The following ATAD2B variants were observed in gnomAD, a reference collection of about 807,000 sequenced individuals.
ATAD2B encodes ATPase family AAA domain-containing protein 2B.
In ATAD2B, 40 loss-of-function variants were observed where a neutral mutation model predicts 167.6. The observed-to-expected ratio is 0.24, with a 90% CI of 0.19 to 0.31. The LOEUF is 0.31. Ranked by LOEUF, ATAD2B falls within the 10% of genes least tolerant of loss-of-function variation. The pLI, the probability that ATAD2B is intolerant of heterozygous loss-of-function variation, is 1.00. For missense variants in ATAD2B, 1,242 were observed against 1,757.2 expected (o/e 0.71, Z 5.24); for synonymous variants, 579 against 596.5 (o/e 0.97, Z 0.43).
At position 23,885,757 on chromosome 2, in the gene ATAD2B, T is replaced by C; in HGVS notation, c.645A>G (p.Glu215=). The C allele has an allele frequency of 6.3e-7, 1 of 1,599,028 alleles. No individual in the cohort carries two copies. ...CTGTATCTGTCCACATTCGAAGTCG[T>C]TCTACTTCTCCTGATCGACGATTCC... ...IRRNRRSGEV[E]RLRMWTDTEF... The change falls in exon 5 of 28, where the codon GAA becomes GAG. Residue 215 remains glutamate, a synonymous_variant. Coordinates refer to ENST00000238789, the MANE Select transcript of ATAD2B (RefSeq NM_017552.4).
chr2:23,921,746 G>A (rs556614110), intron 1 of ATAD2B, among the ~76,000 whole-genome samples: 158 of 152,206 alleles, frequency 1.0e-3, no homozygotes, highest in African/African-American at 3.6e-3. Flanking sequence ...TTGTGGCAGG[G>A]AACATTGTCA....
chr2:23,832,271 C>G, intron 14 of ATAD2B: 1 of 467,176 alleles, frequency 2.1e-6, no homozygotes, highest in South Asian at 1.6e-5. Flanking sequence ...ACCTTAAAAA[C>G]TATTTAAGGG....
At chr2:23,792,909 G>C (rs1260942643) in intron 19 of ATAD2B, among the ~76,000 whole-genome samples, 1 of 134,178 alleles carries the variant, frequency 7.5e-6, no homozygotes, top group Non-Finnish European at 1.5e-5. Flanking sequence ...CTTGCAGTGA[G>C]CCGAGATTGT....
At chr2:23,818,583 A>C (rs1430302767) in intron 17 of ATAD2B, among the ~76,000 whole-genome samples, 1 of 152,182 alleles carries the variant, frequency 6.6e-6, no homozygotes, top group African/African-American at 2.4e-5. Flanking sequence ...AATGAAAAAC[A>C]AGAAAGGGTT....
At position 23,751,018 on chromosome 2, in the gene ATAD2B, C is replaced by T. The variant is rs540269109; in HGVS notation, c.*1028G>A. Reference sequence around the variant, plus strand: ...TCTCTTTTCTGTCCATTTGGCAAGTCCTGGCTTTAAAACAAAACAACAATT... The same window carrying T: ...TCTCTTTTCTGTCCATTTGGCAAGTTCTGGCTTTAAAACAAAACAACAATT... On this transcript the variant is annotated 3_prime_UTR_variant, in exon 28 of 28. Transcript: ENST00000238789. 12 of 152,050 alleles carry T rather than the reference C, an allele frequency of 7.9e-5. No homozygotes were observed. Among genetic ancestry groups the T allele is most frequent in the Admixed American group, 5.9e-4 (9 of 15,238 alleles). 9.4% of individuals were successfully genotyped at this position (152,050 alleles called of 1,614,324 possible).
the ATAD2B span, among the ~76,000 whole-genome samples, chr2:23,710,314 C>G: frequency 6.6e-6 from 1 of 152,056 alleles, no homozygotes; most frequent in East Asian, 1.9e-4. Context: ...AACAAACATA[C>G]AACAAAAAAG....
chr2:23,800,734 G>T (rs985582651), intron 18 of ATAD2B, among the ~76,000 whole-genome samples: 1 of 151,098 alleles, frequency 6.6e-6, no homozygotes, highest in Non-Finnish European at 1.5e-5. Flanking sequence ...TTAACAAATT[G>T]AACATGATAT....
At position 23,828,862 on chromosome 2, in the gene ATAD2B, A is replaced by G. The variant is rs750907311; in HGVS notation, c.1806T>C (p.Ala602=). 3.1e-6 allele frequency: 5 copies of G among 1,608,654 alleles called. No individual in the cohort carries two copies. In the South Asian group the frequency reaches 4.4e-5, roughly 14 times the overall value. Residue 602 remains alanine, a synonymous_variant, in exon 15 of 28, where the codon GCT becomes GCC. Transcript: ENST00000238789. The part of the protein sequence containing the change: ...KLSDAFLGEL[A]EKCVGYCGAD... ...AGTAACACTCACCAACACATTTTTC[A>G]GCCAATTCACCTAAAAATGCATCTG...
At chr2:23,762,882 C>G (rs1179024167) in intron 23 of ATAD2B, among the ~76,000 whole-genome samples, 1 of 152,158 alleles carries the variant, frequency 6.6e-6, no homozygotes. Context: ...TGGTTTTTCT[C>G]CAGGTTCTCT....
chr2:23,918,431 A>G (rs1199270273), intron 1 of ATAD2B, among the ~76,000 whole-genome samples: 1 of 152,126 alleles, frequency 6.6e-6, no homozygotes, highest in Middle Eastern at 3.2e-3. Context: ...ATTTAAAAAT[A>G]AAAAATGAAA....
At chr2:23,718,705 T>C in the ATAD2B span, among the ~76,000 whole-genome samples, 873 of 152,242 alleles carry the variant, frequency 5.7e-3, 4 homozygotes, top group Non-Finnish European at 9.1e-3. Flanking sequence ...AGGTCAGAAG[T>C]CTAAAATGGG....
chr2:23,702,871 G>A, the ATAD2B span, among the ~76,000 whole-genome samples: 278 of 142,546 alleles, frequency 2.0e-3, 2 homozygotes, highest in African/African-American at 6.7e-3. Context: ...GGAATGCAAG[G>A]GTAGGACTGA....
chr2:23,737,017 T>C, the ATAD2B span, among the ~76,000 whole-genome samples: 70 of 152,210 alleles, frequency 4.6e-4, no homozygotes, highest in African/African-American at 1.7e-3. Context: ...ATTGCTGAGT[T>C]AGTTGTTTGA....
At chr2:23,790,884 T>A (rs566122918) in intron 19 of ATAD2B, among the ~76,000 whole-genome samples, 14 of 152,328 alleles carry the variant, frequency 9.2e-5, no homozygotes, top group Admixed American at 5.2e-4. Flanking sequence ...TTTTTACAGA[T>A]GTGTAGCCAT....
intron 1 of ATAD2B, among the ~76,000 whole-genome samples, chr2:23,907,229 A>G (rs556702499): frequency 6.6e-6 from 1 of 152,286 alleles, no homozygotes; most frequent in Non-Finnish European, 1.5e-5. Context: ...CCACTGTCTC[A>G]GCCCAAAATC....
At chr2:23,836,469 T>G (rs989287249) in intron 13 of ATAD2B, among the ~76,000 whole-genome samples, 1 of 152,170 alleles carries the variant, frequency 6.6e-6, no homozygotes, top group Non-Finnish European at 1.5e-5. Flanking sequence ...GCAAGGGGCA[T>G]GTTTCAGCCC....
chr2:23,831,600 G>A (rs1262389390), intron 14 of ATAD2B, among the ~76,000 whole-genome samples: 1 of 152,000 alleles, frequency 6.6e-6, no homozygotes, highest in Non-Finnish European at 1.5e-5. Context: ...CCAATTCACT[G>A]AGAAAACTGA....
intron 19 of ATAD2B, among the ~76,000 whole-genome samples, chr2:23,793,251 T>G (rs1219059857): frequency 2.6e-5 from 4 of 152,202 alleles, no homozygotes; most frequent in Non-Finnish European, 4.4e-5. Context: ...TGAGGAATAT[T>G]TCTTTAAAAT....
intron 20 of ATAD2B, among the ~76,000 whole-genome samples, chr2:23,787,394 A>C (rs1680986090): frequency 6.6e-6 from 1 of 152,080 alleles, no homozygotes; most frequent in South Asian, 2.1e-4. Flanking sequence ...ATATATCTAG[A>C]AGCATGAAAG....
Sources: gnomAD v4.1 joint callset for allele counts (sites outside exome capture counted in the v4.1 genomes callset) on GRCh38, gnomAD v4.1.1 for gene constraint, MANE v1.5 for transcripts, NCBI Gene and HGNC (gene_info 2026-07-23, HGNC 2026-07-21) for gene names.